TBC1D9B: variants seen among roughly 807,000 people sequenced by gnomAD.
TBC1D9B encodes the protein TBC1 domain family member 9B.
A neutral mutation model predicts 121.1 loss-of-function variants in TBC1D9B; 87 were observed. That is an observed-to-expected ratio of 0.72 (90% confidence interval 0.60 to 0.86). TBC1D9B has a LOEUF of 0.86. Among genes scored for constraint, TBC1D9B ranks in the 40% least tolerant of loss-of-function variants. TBC1D9B has a pLI of 0.00. For synonymous variants in TBC1D9B, 668 were observed against 670.1 expected, an observed-to-expected ratio of 1.00 and a Z score of 0.05; for missense variants, 1,540 against 1,628.6, an observed-to-expected ratio of 0.95 and a Z score of 0.94.
chr5:179,891,663 C>A lies in TBC1D9B; in HGVS notation c.837-77G>T. The stretch of plus-strand genomic sequence containing the variant: ...GCACACTCTCAAGGAAGCCTTGGGG[C>A]CTCCCCAGGCCTGTTTCCACATCAG... On this transcript the variant is annotated intron_variant, in intron 5 of 20. Coordinates refer to ENST00000355235, the MANE Select transcript of TBC1D9B (RefSeq NM_015043.4). This position sits in a 1 kb window ranked among gnomAD's most constrained non-coding sequence, Gnocchi z 4.3. 1.4e-6 allele frequency: 2 copies of A among 1,480,172 alleles called. No homozygotes were observed. The highest frequency in any genetic ancestry group is 2.3e-5 in the East Asian group (1 of 43,648). 91.7% of individuals were successfully genotyped at this position (1,480,172 alleles called of 1,614,324 possible).
At chr5:179,886,796 A>C (rs1334291025) in intron 7 of TBC1D9B, among the ~76,000 whole-genome samples, 2 of 152,206 alleles carry the variant, frequency 1.3e-5, no homozygotes, top group Non-Finnish European at 2.9e-5. Flanking sequence ...TAATGGCCAA[A>C]TGTTTTTGCA....
In TBC1D9B at chr5:179,862,736, G is replaced by A. The variant is rs1198993625; in HGVS notation, c.*712C>T. The A allele has an allele frequency of 8.0e-6, 3 of 376,828 alleles. No homozygotes were observed. The East Asian group carries it at 2.3e-4, about 29-fold the overall frequency. 23.3% of individuals were successfully genotyped at this position (376,828 alleles called of 1,614,324 possible). Reference sequence around the variant, plus strand: ...GCCACAGCAAGGCATTGCACACAGTGGTTTTTATTTCTTTCAGGGATTTAT... The same window carrying A: ...GCCACAGCAAGGCATTGCACACAGTAGTTTTTATTTCTTTCAGGGATTTAT... On this transcript the variant is annotated 3_prime_UTR_variant, in exon 21 of 21. Coordinates refer to ENST00000355235, the MANE Select transcript of TBC1D9B (RefSeq NM_015043.4).
chr5:179,892,411 G>C (rs1760891949), intron 5 of TBC1D9B, among the ~76,000 whole-genome samples: 1 of 152,246 alleles, frequency 6.6e-6, no homozygotes, highest in Admixed American at 6.5e-5. Context: ...GGCCTGGCTG[G>C]AATGAGGTCG....
chr5:179,905,941 G>A (rs1265624946), intron 1 of TBC1D9B, among the ~76,000 whole-genome samples: 1 of 152,150 alleles, frequency 6.6e-6, no homozygotes, highest in African/African-American at 2.4e-5. Context: ...GTGCAATGGC[G>A]CCATCTCGGC....
In TBC1D9B at chr5:179,885,766, T is replaced by C. The variant is rs1265100241; in HGVS notation, c.1254+2337A>G. Among the ~76,000 whole-genome samples the C allele has an allele frequency of 6.6e-6, 1 of 152,150 alleles. No homozygotes were observed. Among genetic ancestry groups the C allele is most frequent in the African/African-American group, 2.4e-5 (1 of 41,408 alleles). On this transcript the variant is annotated intron_variant, in intron 7 of 20. Coordinates refer to ENST00000355235, the MANE Select transcript of TBC1D9B (RefSeq NM_015043.4). The surrounding 1 kb of genome is among the most constrained non-coding windows in gnomAD (Gnocchi z 4.5). ...TAGACGGGGCACCTCTAATCCACTG[T>C]CAACATGGACGGCCACAGTAACCCC...
intron 6 of TBC1D9B, among the ~76,000 whole-genome samples, chr5:179,888,853 G>A (rs568856987): frequency 6.6e-6 from 1 of 152,290 alleles, no homozygotes; most frequent in South Asian, 2.1e-4. Context: ...AGGGAAGGCT[G>A]GGTGGTCCCA....
intron 9 of TBC1D9B, among the ~76,000 whole-genome samples, chr5:179,878,759 C>T (rs911214583): frequency 1.3e-5 from 2 of 152,200 alleles, no homozygotes; most frequent in Admixed American, 1.3e-4. Flanking sequence ...AGAGCCTGTC[C>T]CAAGGAAAGG....
chr5:179,866,942 G>A (rs1760030361), intron 18 of TBC1D9B: 1 of 157,042 alleles, frequency 6.4e-6, no homozygotes, highest in South Asian at 1.9e-4. Flanking sequence ...AAAGCCCAGG[G>A]CCTAGCATGC....
chr5:179,881,556 G>A (rs1013958496), intron 7 of TBC1D9B, among the ~76,000 whole-genome samples: 13 of 152,066 alleles, frequency 8.5e-5, no homozygotes, highest in African/African-American at 2.4e-4. Flanking sequence ...GTTGTACACC[G>A]TATGTTTACT....
Position 179,875,289 on chromosome 5 carries a change from G to T in TBC1D9B, c.1901-102C>A. 7.1e-7 allele frequency: 1 copy of T among 1,407,904 alleles called. No homozygotes were observed. The highest frequency in any genetic ancestry group is 9.5e-7 in the Non-Finnish European group (1 of 1,053,266). 87.2% of individuals were successfully genotyped at this position (1,407,904 alleles called of 1,614,324 possible). On this transcript the variant is annotated intron_variant, in intron 11 of 20. Transcript: ENST00000355235. This position sits in a 1 kb window ranked among gnomAD's most constrained non-coding sequence, Gnocchi z 4.5. ...CCTGGCCACTCCAGCCCTGCCAGCT[G>T]TGCAGTGAGGGCTGAGGGAGACTTG...
chr5:179,903,900 T>C (rs1237626111), intron 2 of TBC1D9B, among the ~76,000 whole-genome samples: 7 of 152,168 alleles, frequency 4.6e-5, no homozygotes, highest in Non-Finnish European at 1.0e-4. Context: ...AGGCAGAGCG[T>C]CGTCCTGTTC....
At chr5:179,869,602 C>T (rs1327604583) in intron 17 of TBC1D9B, 167 bp downstream of exon 17, 1 of 758,384 alleles carries the variant, frequency 1.3e-6, no homozygotes, top group Non-Finnish European at 2.3e-6. Context: ...TCTCAGACCT[C>T]TGTGAAGTGC....
rs155797 is a variant in TBC1D9B, at chr5:179,907,052, G to C, written c.118+652C>G. 0.46 allele frequency among the ~76,000 whole-genome samples: 69,802 copies of C among 152,008 alleles called. 16,664 individuals are homozygous for C. The highest frequency in any genetic ancestry group is 0.76 in the East Asian group (3,863 of 5,106). ...GTGCCTGTCCAGCTTCATCCTGTGTGATGGTGGCACCCGGGCCCACAAAGG... is the reference window on the plus strand; with the variant it reads ...GTGCCTGTCCAGCTTCATCCTGTGTCATGGTGGCACCCGGGCCCACAAAGG... On this transcript the variant is annotated intron_variant, in intron 1 of 20. Transcript: ENST00000355235. The surrounding 1 kb of genome is among the most constrained non-coding windows in gnomAD (Gnocchi z 5.3).
At chr5:179,887,206 G>A (rs1036429253) in intron 7 of TBC1D9B, among the ~76,000 whole-genome samples, 1 of 152,224 alleles carries the variant, frequency 6.6e-6, no homozygotes, top group Non-Finnish European at 1.5e-5. Flanking sequence ...TGAGCATGCC[G>A]CTGGCCACTG....
chr5:179,864,997 G>A (rs1259842711), intron 20 of TBC1D9B, among the ~76,000 whole-genome samples: 1 of 152,226 alleles, frequency 6.6e-6, no homozygotes, highest in Non-Finnish European at 1.5e-5. Context: ...GTCAAAGGTA[G>A]CCTACAAGCC....
In TBC1D9B at chr5:179,907,495, C is replaced by T. The variant is rs1219108831; in HGVS notation, c.118+209G>A. On this transcript the variant is annotated intron_variant, in intron 1 of 20. Transcript: ENST00000355235. This position sits in a 1 kb window ranked among gnomAD's most constrained non-coding sequence, Gnocchi z 5.3. ...AGCCCGCCGAGGGCGCATTCGCCTC[C>T]CGCCAGCCCCTCGCCTCCCCGCCCC... Among the ~76,000 whole-genome samples, 2 of 151,140 alleles carry T rather than the reference C, an allele frequency of 1.3e-5. No homozygotes were observed. The highest frequency in any genetic ancestry group is 3.0e-5 in the Non-Finnish European group (2 of 67,626).
At chr5:179,877,664 C>CAAAAAAAAAAAAAAAA (rs564753950) in intron 10 of TBC1D9B, among the ~76,000 whole-genome samples, 1 of 66,630 alleles carries the variant, frequency 1.5e-5, no homozygotes, top group Non-Finnish European at 3.5e-5. Context: ...GATTCTATCT[C>CAAAAAAAAAAAAAAAA]AAAAAAAAAA....
intron 2 of TBC1D9B, among the ~76,000 whole-genome samples, chr5:179,900,696 T>C (rs931256518): frequency 4.5e-4 from 68 of 152,326 alleles, no homozygotes; most frequent in African/African-American, 1.6e-3. Context: ...TACGTATCCC[T>C]GATCGATTGG....
intron 3 of TBC1D9B, among the ~76,000 whole-genome samples, chr5:179,895,863 A>C (rs897849002): frequency 7.9e-5 from 12 of 152,314 alleles, no homozygotes; most frequent in African/African-American, 2.9e-4. Context: ...TGCCATCCCA[A>C]AATATGCCCT....
Sources: allele counts gnomAD v4.1 joint callset (sites outside exome capture counted in the v4.1 genomes callset), GRCh38; gene constraint gnomAD v4.1.1; non-coding constraint Gnocchi (gnomAD v3.1); transcripts MANE v1.5; gene names NCBI Gene and HGNC (gene_info 2026-07-23, HGNC 2026-07-21).